The following MAPT variants were observed in gnomAD, a reference collection of about 807,000 sequenced individuals.
MAPT encodes microtubule-associated protein tau.
In MAPT, 34 loss-of-function variants were observed where a neutral mutation model predicts 67.9. That is an observed-to-expected ratio of 0.50 (90% CI 0.38 to 0.67). The LOEUF (loss-of-function observed/expected upper bound fraction) is 0.67. MAPT is among the 30% of genes least tolerant of loss of function. MAPT has a pLI of 0.00. For missense variants in MAPT, 881 were observed against 1,115.2 expected (o/e 0.79, Z 2.99); for synonymous variants, 456 against 464.5 (o/e 0.98, Z 0.23).
intron 1 of MAPT, among the ~76,000 whole-genome samples, chr17:45,949,242 C>G (rs2068814855): frequency 6.6e-6 from 1 of 152,230 alleles, no homozygotes; most frequent in South Asian, 2.1e-4. Context: ...CCTTGGCTGC[C>G]CCCTAGCGAG....
chr17:45,981,781 G>T (rs908469855), intron 4 of MAPT, among the ~76,000 whole-genome samples: 1 of 152,050 alleles, frequency 6.6e-6, no homozygotes, highest in African/African-American at 2.4e-5. Flanking sequence ...TGTAATCCCA[G>T]AGGCAAGAGA....
In MAPT at chr17:46,025,210, C is replaced by G. The variant is rs568260584; in HGVS notation, c.*1039C>G. ...GTAAGGACTTGTGCCTCTTGGGAGA[C>G]GTCCACCCGTTTCCAAGCCTGGGCC... On this transcript the variant is annotated 3_prime_UTR_variant, in exon 13 of 13. Transcript: ENST00000262410. 6.5e-6 allele frequency: 1 copy of G among 152,758 alleles called. No homozygotes were observed. Among genetic ancestry groups the G allele is most frequent in the Non-Finnish European group, 1.5e-5 (1 of 68,178 alleles). 9.5% of individuals were successfully genotyped at this position (152,758 alleles called of 1,614,324 possible).
intron 1 of MAPT, among the ~76,000 whole-genome samples, chr17:45,924,138 T>G (rs1335953154): frequency 6.6e-6 from 1 of 152,102 alleles, no homozygotes; most frequent in Non-Finnish European, 1.5e-5. Context: ...TGCTCACAAG[T>G]GTGAGACAGG....
chr17:45,983,513 G>A lies in MAPT; in HGVS notation c.934G>A (p.Ala312Thr), dbSNP rs774589449. 3 of 1,612,672 alleles carry A rather than the reference G, an allele frequency of 1.9e-6. No homozygotes were observed. Among genetic ancestry groups the A allele is most frequent in the Admixed American group, 1.7e-5 (1 of 59,988 alleles). Residue 312 changes from alanine (A) to threonine (T), a missense_variant, in exon 5 of 13, where the codon GCC becomes ACC. Ala to Thr is a moderately conservative substitution (Grantham distance 58, BLOSUM62 0). Coordinates refer to ENST00000262410, the MANE Select transcript of MAPT (RefSeq NM_001377265.1). ...SSPQDSPPSKASPAQDGRPPQ... is the reference protein window; with the variant it reads ...SSPQDSPPSKTSPAQDGRPPQ... ...CCCCCAAGACTCCCCTCCCTCCAAG[G>A]CCTCCCCAGCCCAAGATGGGCGGCC...
At chr17:45,985,788 C>T in intron 5 of MAPT, 2 of 937,354 alleles carry the variant, frequency 2.1e-6, no homozygotes, top group Middle Eastern at 1.1e-3. Context: ...TGCAGGTTCC[C>T]AGGTGCCACT....
chr17:45,983,984 G>A, intron 5 of MAPT, 54 bp downstream of exon 5: 1 of 1,425,708 alleles, frequency 7.0e-7, no homozygotes, highest in Non-Finnish European at 9.5e-7. Flanking sequence ...AGGCCTCCCA[G>A]GCTGCGGGCA....
chr17:46,011,912 T>C (rs1027286073), intron 10 of MAPT, among the ~76,000 whole-genome samples: 1 of 152,198 alleles, frequency 6.6e-6, no homozygotes. Context: ...GGCTGCTGCA[T>C]GGGGCTAACT....
intron 1 of MAPT, among the ~76,000 whole-genome samples, chr17:45,940,540 T>C (rs921610486): frequency 2.6e-5 from 4 of 152,246 alleles, no homozygotes; most frequent in African/African-American, 9.6e-5. Context: ...CTAGAGTTCA[T>C]TCTGATACTC....
At chr17:45,932,720 A>G (rs1056656285) in intron 1 of MAPT, among the ~76,000 whole-genome samples, 3 of 152,088 alleles carry the variant, frequency 2.0e-5, no homozygotes, top group African/African-American at 7.2e-5. Flanking sequence ...AAAAAAGTTT[A>G]TTAAAGGTTA....
intron 12 of MAPT, 70 bp from the exon 13 acceptor site, chr17:46,023,886 C>A: frequency 2.3e-6 from 3 of 1,332,988 alleles, no homozygotes; most frequent in Non-Finnish European, 2.2e-6. Context: ...CCAGGCCTGG[C>A]AGGGCAGTTG....
intron 7 of MAPT, chr17:45,990,652 C>T (rs2073989352): frequency 3.3e-6 from 1 of 307,062 alleles, no homozygotes; most frequent in Non-Finnish European, 6.4e-6. Context: ...TTCCTTTGCC[C>T]ATTCCTGATT....
intron 1 of MAPT, among the ~76,000 whole-genome samples, chr17:45,957,695 A>C (rs1203916750): frequency 6.6e-6 from 1 of 152,222 alleles, no homozygotes; most frequent in Non-Finnish European, 1.5e-5. Flanking sequence ...GTGGGACTAC[A>C]TTCCGCCCCC....
chr17:45,961,730 G>A (rs1426412930), intron 1 of MAPT, among the ~76,000 whole-genome samples: 1 of 151,276 alleles, frequency 6.6e-6, no homozygotes, highest in Non-Finnish European at 1.5e-5. Flanking sequence ...GGAATAACAA[G>A]TCGGGCCCAC....
chr17:45,984,385 C>G (rs1410660172), intron 5 of MAPT, among the ~76,000 whole-genome samples: 1 of 152,244 alleles, frequency 6.6e-6, no homozygotes, highest in Non-Finnish European at 1.5e-5. Context: ...TTGCCGAAGG[C>G]CAATGAGTAG....
chr17:45,991,685 C>A, intron 8 of MAPT, 99 bp downstream of exon 8: 1 of 1,544,150 alleles, frequency 6.5e-7, no homozygotes, highest in Non-Finnish European at 8.9e-7. Context: ...TGAATAACCC[C>A]TGGCAGCTGG....
intron 1 of MAPT, among the ~76,000 whole-genome samples, chr17:45,907,272 A>G (rs2064383185): frequency 6.6e-6 from 1 of 151,586 alleles, no homozygotes; most frequent in Admixed American, 6.6e-5. Context: ...CCCACCCCCT[A>G]TTTAAATTGA....
At chr17:46,021,658 T>G (rs779691483) in intron 12 of MAPT, among the ~76,000 whole-genome samples, 5 of 152,232 alleles carry the variant, frequency 3.3e-5, no homozygotes, top group African/African-American at 4.8e-5. Flanking sequence ...ATGCTGTACC[T>G]ACGTCCCGGG....
intron 1 of MAPT, among the ~76,000 whole-genome samples, chr17:45,899,880 T>C (rs981785042): frequency 6.6e-6 from 1 of 152,034 alleles, no homozygotes; most frequent in Non-Finnish European, 1.5e-5. Context: ...CAATCCAGGG[T>C]TTCTGGACTG....
intron 1 of MAPT, among the ~76,000 whole-genome samples, chr17:45,934,422 G>A (rs1228852798): frequency 3.3e-5 from 5 of 152,152 alleles, no homozygotes; most frequent in Admixed American, 2.0e-4. Flanking sequence ...TCAAAGTTAC[G>A]CATGTGTGTA....
Sources: allele counts gnomAD v4.1 joint callset (sites outside exome capture counted in the v4.1 genomes callset), GRCh38; gene constraint gnomAD v4.1.1; transcripts MANE v1.5; gene names NCBI Gene and HGNC (gene_info 2026-07-23, HGNC 2026-07-21).